Variants in DLD observed in about 807,000 individuals in gnomAD.
The protein encoded by DLD is dihydrolipoamide dehydrogenase.
In DLD, 36 loss-of-function variants were observed where a neutral mutation model predicts 62.2. The ratio of observed to expected loss-of-function variants is 0.58; its 90% CI spans 0.44 to 0.76. The LOEUF is 0.76. DLD is among the 30% of genes least tolerant of loss of function. The pLI, the probability that DLD is intolerant of heterozygous loss-of-function variation, is 0.00. For synonymous variants in DLD, 204 were observed against 199.6 expected, an observed-to-expected ratio of 1.02 and a Z score of -0.19; for missense variants, 541 against 608.6, an observed-to-expected ratio of 0.89 and a Z score of 1.17.
chr7:107,908,746 T>C (rs939481158), intron 8 of DLD, among the ~76,000 whole-genome samples: 1 of 152,062 alleles, frequency 6.6e-6, no homozygotes, highest in Non-Finnish European at 1.5e-5. Flanking sequence ...CTAAGAAAGC[T>C]CAAGTCTTTC....
intron 1 of DLD, among the ~76,000 whole-genome samples, chr7:107,892,239 C>T (rs748866135): frequency 5.3e-5 from 8 of 152,136 alleles, no homozygotes; most frequent in Non-Finnish European, 1.2e-4. Flanking sequence ...TGCTTTCTGC[C>T]TCATTGCCCT....
At chr7:107,912,120 T>G (rs1279794660) in intron 8 of DLD, among the ~76,000 whole-genome samples, 1 of 152,174 alleles carries the variant, frequency 6.6e-6, no homozygotes, top group Non-Finnish European at 1.5e-5. Flanking sequence ...TTGCTTAACA[T>G]GCTGTCTTCC....
intron 2 of DLD, among the ~76,000 whole-genome samples, chr7:107,900,467 T>C (rs1648081605): frequency 6.6e-6 from 1 of 152,174 alleles, no homozygotes; most frequent in South Asian, 2.1e-4. Context: ...TAGGTTTTTT[T>C]TGTGGTCTTT....
In DLD at chr7:107,919,642, G is replaced by T; in HGVS notation, c.*383G>T. ...ATTTGATATGTGAACAGTTGTGTTT[G>T]AAGCACAGTGATCAAGTTATTTTTA... is the stretch of plus-strand genomic sequence containing the variant. On this transcript the variant is annotated 3_prime_UTR_variant, in exon 14 of 14. Transcript: ENST00000205402. 5.4e-6 allele frequency: 1 copy of T among 185,534 alleles called. No individual in the cohort carries two copies. Among genetic ancestry groups the T allele is most frequent in the Non-Finnish European group, 1.1e-5 (1 of 88,942 alleles). 11.5% of individuals were successfully genotyped at this position (185,534 alleles called of 1,614,324 possible).
At chr7:107,895,228 A>G (rs2031690789) in intron 2 of DLD, among the ~76,000 whole-genome samples, 1 of 152,186 alleles carries the variant, frequency 6.6e-6, no homozygotes, top group Admixed American at 6.5e-5. Context: ...TTAACTAGGA[A>G]ATGACAGAGC....
intron 2 of DLD, among the ~76,000 whole-genome samples, chr7:107,899,405 G>A (rs1465565763): frequency 6.6e-6 from 1 of 151,344 alleles, no homozygotes; most frequent in Non-Finnish European, 1.5e-5. Context: ...GAATAGGGAA[G>A]TAAAACCCAA....
intron 2 of DLD, among the ~76,000 whole-genome samples, chr7:107,898,088 T>G (rs760413190): frequency 6.6e-6 from 1 of 152,024 alleles, no homozygotes; most frequent in Non-Finnish European, 1.5e-5. Context: ...CTTATTGTAC[T>G]CCAGTATTTT....
intron 8 of DLD, among the ~76,000 whole-genome samples, chr7:107,910,020 T>C (rs2032102683): frequency 6.6e-6 from 1 of 151,654 alleles, no homozygotes; most frequent in Admixed American, 6.6e-5. Context: ...ACCCAGATAA[T>C]TTTTCTTTGT....
rs1468379125 is a variant in DLD at position 107,917,636 on chromosome 7, A to T, written c.1236+174A>T. Reference sequence around the variant, plus strand: ...TAAAGAGATCATTCACAGATTTATCAGCAGTAATTGAGAGGAAGAGAAGTT... The same window carrying T: ...TAAAGAGATCATTCACAGATTTATCTGCAGTAATTGAGAGGAAGAGAAGTT... On this transcript the variant is annotated intron_variant, in intron 11 of 13. Transcript: ENST00000205402. Among the ~76,000 whole-genome samples, 30 of 152,252 alleles carry T rather than the reference A, an allele frequency of 2.0e-4. 1 individual carries two copies. The highest frequency in any genetic ancestry group is 5.9e-5 in the Non-Finnish European group (4 of 68,048).
At position 107,904,997 on chromosome 7, in the gene DLD, A is replaced by G. The variant is rs200307063; in HGVS notation, c.377A>G (p.Gln126Arg). 3 of 1,613,362 alleles carry G rather than the reference A, an allele frequency of 1.9e-6. No individual in the cohort carries two copies. Among genetic ancestry groups the G allele is most frequent in the East Asian group, 4.5e-5 (2 of 44,796 alleles). ...TTGAATTTAGACAAGATGATGGAGCAGAAGAGTACTGCAGTAAAAGCTTTA... is the reference window on the plus strand; with the variant it reads ...TTGAATTTAGACAAGATGATGGAGCGGAAGAGTACTGCAGTAAAAGCTTTA... ...VRLNLDKMME[Q>R]KSTAVKALTG... Residue 126 changes from glutamine (Q) to arginine (R), a missense_variant, in exon 6 of 14, where the codon CAG (glutamine) becomes CGG (arginine). Transcript: ENST00000205402.
chr7:107,891,659 C>T (rs1433398429), intron 1 of DLD: 2 of 393,970 alleles, frequency 5.1e-6, no homozygotes, highest in African/African-American at 2.1e-5. Flanking sequence ...ATACCATTTG[C>T]CTTTTTCTCA....
chr7:107,909,755 A>G (rs1338026552), intron 8 of DLD, among the ~76,000 whole-genome samples: 1 of 151,572 alleles, frequency 6.6e-6, no homozygotes, highest in East Asian at 1.9e-4. Flanking sequence ...ACCTTTTGGC[A>G]GTTCCCTTGT....
chr7:107,892,796 C>T (rs1273549495), intron 1 of DLD, among the ~76,000 whole-genome samples: 1 of 152,192 alleles, frequency 6.6e-6, no homozygotes, highest in Non-Finnish European at 1.5e-5. Context: ...GATCCGCCCA[C>T]CTCAGCCTCC....
Position 107,916,842 on chromosome 7 carries a change from A to C in DLD, c.924A>C (p.Val308=). 1 of 1,613,082 alleles carries C rather than the reference A, an allele frequency of 6.2e-7. No individual in the cohort carries two copies. The change falls in exon 10 of 14, where the codon GTA becomes GTC. Residue 308 remains valine (V), a synonymous_variant. Transcript: ENST00000205402. ...GGKAEVITCD[V]LLVCIGRRPF... ...AAGCTGAAGTTATCACTTGTGATGT[A>C]CTCTTGGTTTGCATTGGCCGACGAC... is the stretch of plus-strand genomic sequence containing the variant.
At position 107,919,427 on chromosome 7, in the gene DLD, A is replaced by G. The variant is rs2032355119; in HGVS notation, c.*168A>G. 1 of 563,090 alleles carries G rather than the reference A, an allele frequency of 1.8e-6. No individual in the cohort carries two copies. Among genetic ancestry groups the G allele is most frequent in the Non-Finnish European group, 3.1e-6 (1 of 325,586 alleles). 34.9% of individuals were successfully genotyped at this position (563,090 alleles called of 1,614,324 possible). Reference sequence around the variant, plus strand: ...CAAAATGGAATACTCTTATATCTATATTTTACATAAATTTAGTATTTTGTT... The same window carrying G: ...CAAAATGGAATACTCTTATATCTATGTTTTACATAAATTTAGTATTTTGTT... On this transcript the variant is annotated 3_prime_UTR_variant, in exon 14 of 14. Coordinates refer to ENST00000205402, the MANE Select transcript of DLD (RefSeq NM_000108.5).
At chr7:107,891,332 G>A in intron 1 of DLD, 43 bp downstream of exon 1, 2 of 1,612,766 alleles carry the variant, frequency 1.2e-6, no homozygotes, top group Non-Finnish European at 1.7e-6. Flanking sequence ...CAGAGGCACG[G>A]AAGGTCCCGC....
Position 107,905,422 on chromosome 7 carries a change from C to T in DLD, c.500C>T (p.Ala167Val). The T allele has an allele frequency of 6.2e-7, 1 of 1,613,758 alleles. No individual in the cohort carries two copies. Among genetic ancestry groups the T allele is most frequent in the South Asian group, 1.1e-5 (1 of 91,068 alleles). ...AAAAATCAAGTCACTGCTACGAAAG[C>T]TGATGGCGGCACTCAGGTTATTGAT... ...TGKNQVTATK[A>V]DGGTQVIDTK... The change falls in exon 7 of 14, where the codon GCT becomes GTT. Residue 167 changes from alanine to valine, a missense_variant. Transcript: ENST00000205402.
At chr7:107,904,012 T>C (rs1313212167) in intron 5 of DLD, among the ~76,000 whole-genome samples, 2 of 152,180 alleles carry the variant, frequency 1.3e-5, no homozygotes, top group Non-Finnish European at 2.9e-5. Flanking sequence ...ACGTATCTTG[T>C]CTCCTGACAT....
At chr7:107,898,446 AT>A in intron 2 of DLD, among the ~76,000 whole-genome samples, 1 of 148,522 alleles carries the variant, frequency 6.7e-6, no homozygotes, top group East Asian at 2.0e-4. Flanking sequence ...ACGCCTGGCA[AT>A]ATTTTGTATT....
Sources: gnomAD v4.1 joint callset for allele counts (sites outside exome capture counted in the v4.1 genomes callset) on GRCh38, gnomAD v4.1.1 for gene constraint, MANE v1.5 for transcripts, NCBI Gene and HGNC (gene_info 2026-07-23, HGNC 2026-07-21) for gene names.